Variants in NOMO1 observed in about 807,000 individuals in gnomAD.
NOMO1 encodes nodal modulator 3.
NOMO1 carries 40 observed loss-of-function variants against 133.8 expected under a neutral mutation model. The ratio of observed to expected loss-of-function variants is 0.30; its 90% CI spans 0.23 to 0.39. The LOEUF (loss-of-function observed/expected upper bound fraction) is 0.39. Among genes scored for constraint, NOMO1 ranks in the 10% least tolerant of loss-of-function variants. NOMO1 has a pLI of 1.00. For missense variants in NOMO1, 462 were observed against 1,419.9 expected (o/e 0.33, Z 10.84); for synonymous variants, 236 against 570.5 (o/e 0.41, Z 8.36).
At chr16:14,840,531 G>A (rs1963589495) in intron 2 of NOMO1, among the ~76,000 whole-genome samples, 1 of 134,476 alleles carries the variant, frequency 7.4e-6, no homozygotes, top group Non-Finnish European at 1.6e-5. Context: ...AGGTTGCAGT[G>A]AGCCAAGATC....
chr16:14,879,035 C>T (rs1417988807), intron 23 of NOMO1, among the ~76,000 whole-genome samples: 3 of 151,904 alleles, frequency 2.0e-5, no homozygotes, highest in Non-Finnish European at 4.4e-5. Flanking sequence ...CTTCCACACG[C>T]GCTTCTTGTT....
chr16:14,856,402 G>C (rs1288458575), intron 9 of NOMO1, among the ~76,000 whole-genome samples: 14 of 151,914 alleles, frequency 9.2e-5, no homozygotes, highest in Non-Finnish European at 2.1e-4. Context: ...GATGGTGGTG[G>C]AGGAGGGTGG....
At chr16:14,884,646 T>C (rs1964295580) in intron 27 of NOMO1, among the ~76,000 whole-genome samples, 164 bp downstream of exon 27, 2 of 151,876 alleles carry the variant, frequency 1.3e-5, no homozygotes, top group African/African-American at 2.4e-5. Flanking sequence ...TTTAAGAACC[T>C]TGGACCACAA....
chr16:14,842,085 ATAAC>A (rs1963611956), intron 3 of NOMO1, among the ~76,000 whole-genome samples: 1 of 151,998 alleles, frequency 6.6e-6, no homozygotes, highest in Non-Finnish European at 1.5e-5. Flanking sequence ...CTTTCCTCAT[ATAAC>A]TGCCTTCAAG....
At chr16:14,836,040 C>T (rs1435565762) in intron 1 of NOMO1, among the ~76,000 whole-genome samples, 1 of 151,986 alleles carries the variant, frequency 6.6e-6, no homozygotes, top group African/African-American at 2.4e-5. Context: ...AATACTTTAA[C>T]AATCCGCAGG....
chr16:14,848,101 T>C (rs903747470), intron 5 of NOMO1, among the ~76,000 whole-genome samples: 1 of 152,086 alleles, frequency 6.6e-6, no homozygotes, highest in African/African-American at 2.4e-5. Context: ...ATCCAGTTAT[T>C]GCAGGCAAGA....
At chr16:14,850,036 C>A (rs925106338) in intron 6 of NOMO1, among the ~76,000 whole-genome samples, 2 of 150,996 alleles carry the variant, frequency 1.3e-5, no homozygotes, top group African/African-American at 4.9e-5. Context: ...GGATCTGGAA[C>A]TGCAGGCATG....
intron 27 of NOMO1, 94 bp downstream of exon 27, chr16:14,884,576 C>T: frequency 1.3e-6 from 2 of 1,586,364 alleles, no homozygotes; most frequent in South Asian, 1.1e-5. Flanking sequence ...CTGTCTCGTG[C>T]CTTAGGTGTG....
Position 14,853,460 on chromosome 16 carries a change from G to A in NOMO1, c.736-7G>A. ...GGAAGTCTTGTCTTTTTTACCCCCT[G>A]GCATAGGATGTCCTGGGCTGCAATG... is the stretch of plus-strand genomic sequence containing the variant. On this transcript the variant is annotated splice_region_variant and splice_polypyrimidine_tract_variant and intron_variant, in intron 7 of 30. Transcript: ENST00000287667. The A allele has an allele frequency of 6.4e-7, 1 of 1,558,474 alleles. No individual in the cohort carries two copies. The highest frequency in any genetic ancestry group is 8.7e-7 in the Non-Finnish European group (1 of 1,154,570).
At chr16:14,851,377 G>A (rs1290152936) in intron 6 of NOMO1, among the ~76,000 whole-genome samples, 1 of 151,734 alleles carries the variant, frequency 6.6e-6, no homozygotes, top group Non-Finnish European at 1.5e-5. Context: ...CTTAGAATCT[G>A]TACACTTTTC....
chr16:14,848,016 A>G (rs1310809863), intron 5 of NOMO1, among the ~76,000 whole-genome samples: 2 of 152,004 alleles, frequency 1.3e-5, no homozygotes, highest in East Asian at 3.9e-4. Context: ...TGAAACATGT[A>G]GCACTGGGCT....
At chr16:14,887,333 G>A (rs1222801790) in intron 28 of NOMO1, among the ~76,000 whole-genome samples, 4 of 148,810 alleles carry the variant, frequency 2.7e-5, no homozygotes, top group East Asian at 2.0e-4. Context: ...TCGCCTTGTC[G>A]CCCAGGCTGG....
intron 9 of NOMO1, 26 bp from the exon 10 acceptor site, chr16:14,857,191 C>T (rs1279261943): frequency 3.7e-6 from 6 of 1,610,070 alleles, no homozygotes; most frequent in Admixed American, 1.7e-5. Context: ...CCTTCGAGCA[C>T]CTTCTTCTTG....
Position 14,881,630 on chromosome 16 carries a change from A to G in NOMO1, c.2972A>G (p.Tyr991Cys), listed in dbSNP as rs766158798. The G allele has an allele frequency of 1.9e-6, 3 of 1,611,112 alleles. No individual in the cohort carries two copies. The South Asian group carries it at 3.3e-5, about 18-fold the overall frequency. ...EAVGQNDCSI[Y>C]GEDTVTDEEG... Reference sequence around the variant, plus strand: ...GTGGGCCAGAACGACTGCAGCATTTACGGAGAAGACACCGTGACAGACGAA... The same window carrying G: ...GTGGGCCAGAACGACTGCAGCATTTGCGGAGAAGACACCGTGACAGACGAA... Residue 991 changes from tyrosine (Y) to cysteine (C), a missense_variant, in exon 25 of 31, where the codon TAC becomes TGC. By Grantham distance (194) the Tyr-to-Cys change is radical. Transcript: ENST00000287667.
At chr16:14,889,661 T>C (rs1277980595) in intron 29 of NOMO1, among the ~76,000 whole-genome samples, 1 of 151,752 alleles carries the variant, frequency 6.6e-6, no homozygotes. Flanking sequence ...TGGCATTGGG[T>C]CACTTTCTCA....
At chr16:14,885,767 G>C (rs1274777025) in intron 27 of NOMO1, among the ~76,000 whole-genome samples, 2 of 151,996 alleles carry the variant, frequency 1.3e-5, no homozygotes, top group Non-Finnish European at 1.5e-5. Flanking sequence ...GAGTGTTGCT[G>C]TGCTAGAATT....
chr16:14,836,445 T>A (rs963100637), intron 1 of NOMO1, among the ~76,000 whole-genome samples: 21 of 152,220 alleles, frequency 1.4e-4, no homozygotes, highest in African/African-American at 5.1e-4. Context: ...ACTGTTTCAT[T>A]GCAGCTCGTG....
intron 12 of NOMO1, 52 bp from the exon 13 acceptor site, chr16:14,864,533 G>C (rs1451704301): frequency 6.2e-7 from 1 of 1,611,488 alleles, no homozygotes; most frequent in African/African-American, 1.3e-5. Flanking sequence ...TGTAGGTCAG[G>C]GGGAAGATCT....
chr16:14,881,677 G>C lies in NOMO1; in HGVS notation c.3019G>C (p.Gly1007Arg), dbSNP rs1410339165. The change falls in exon 25 of 31, where the codon GGA (glycine) becomes CGA (arginine). Residue 1007 changes from glycine (G) to arginine (R), a missense_variant. Gly to Arg is a moderately radical substitution (Grantham distance 125). Coordinates refer to ENST00000287667, the MANE Select transcript of NOMO1 (RefSeq NM_014287.4). ...TDEEGKFRLR[G>R]LLPGCVYHVQ... ...CGAAGAGGGCAAGTTCAGATTACGTGGATTGCTGGTGAGACTTGGAATGGG... is the reference window on the plus strand; with the variant it reads ...CGAAGAGGGCAAGTTCAGATTACGTCGATTGCTGGTGAGACTTGGAATGGG... 6.2e-6 allele frequency: 10 copies of C among 1,611,386 alleles called. No homozygotes were observed. Among genetic ancestry groups the C allele is most frequent in the Non-Finnish European group, 7.6e-6 (9 of 1,179,654 alleles).
Sources: gnomAD v4.1 joint callset for allele counts (sites outside exome capture counted in the v4.1 genomes callset) on GRCh38, gnomAD v4.1.1 for gene constraint, MANE v1.5 for transcripts, NCBI Gene and HGNC (gene_info 2026-07-23, HGNC 2026-07-21) for gene names.